The following NCALD variants were observed in gnomAD, a reference collection of about 807,000 sequenced individuals.
The protein encoded by NCALD is neurocalcin delta, also known as neurocalcin-delta.
In NCALD, 10 loss-of-function variants were observed where a neutral mutation model predicts 18.6. The ratio of observed to expected loss-of-function variants is 0.54; its 90% CI spans 0.33 to 0.91. The LOEUF is 0.91. Ranked by LOEUF, NCALD falls within the 40% of genes least tolerant of loss-of-function variation. NCALD has a pLI of 0.03. For missense variants in NCALD, 184 were observed against 247.6 expected, an observed-to-expected ratio of 0.74 and a Z score of 1.72; for synonymous variants, 88 against 87.4, an observed-to-expected ratio of 1.01 and a Z score of -0.04.
chr8:102,097,934 CA>C (rs1335835132), intron 1 of NCALD, among the ~76,000 whole-genome samples: 1 of 152,234 alleles, frequency 6.6e-6, no homozygotes, highest in Non-Finnish European at 1.5e-5. Context: ...GGCCAGGCCA[CA>C]GAACACGCTG....
At chr8:101,943,046 G>A (rs1819016913) in intron 2 of NCALD, among the ~76,000 whole-genome samples, 1 of 152,168 alleles carries the variant, frequency 6.6e-6, no homozygotes, top group Non-Finnish European at 1.5e-5. Flanking sequence ...GCAAGATGAA[G>A]GCAAAGGGGA....
intron 4 of NCALD, among the ~76,000 whole-genome samples, chr8:101,812,208 G>A (rs536738003): frequency 1.3e-5 from 2 of 152,188 alleles, no homozygotes; most frequent in African/African-American, 4.8e-5. Context: ...AAGGGCACTG[G>A]GTAGAGACTC....
chr8:101,853,560 G>A (rs1815183768), intron 4 of NCALD, among the ~76,000 whole-genome samples: 1 of 152,092 alleles, frequency 6.6e-6, no homozygotes, highest in Admixed American at 6.6e-5. Context: ...CAAGACCTGG[G>A]CAATTTTGAA....
At chr8:102,067,951 C>T (rs958577609) in intron 1 of NCALD, among the ~76,000 whole-genome samples, 10 of 152,226 alleles carry the variant, frequency 6.6e-5, no homozygotes, top group African/African-American at 9.7e-5. Context: ...GCTCCCCCTT[C>T]GCTCTGTTCT....
At chr8:102,015,728 G>A (rs951235626) in intron 2 of NCALD, among the ~76,000 whole-genome samples, 7 of 152,166 alleles carry the variant, frequency 4.6e-5, no homozygotes, top group Non-Finnish European at 7.4e-5. Flanking sequence ...AAGGAGAAAG[G>A]GGTCACACAA....
chr8:101,732,811 C>A (rs938873168), intron 1 of NCALD, among the ~76,000 whole-genome samples: 8 of 151,964 alleles, frequency 5.3e-5, no homozygotes, highest in African/African-American at 1.9e-4. Flanking sequence ...GGCATGTTGA[C>A]CAGGTTGGTC....
chr8:102,056,819 G>A (rs1306180617), intron 1 of NCALD, among the ~76,000 whole-genome samples: 1 of 152,216 alleles, frequency 6.6e-6, no homozygotes, highest in Non-Finnish European at 1.5e-5. Context: ...TCATGGCTCA[G>A]GACTTCACTC....
At chr8:102,039,246 TA>T (rs1253682383) in intron 1 of NCALD, among the ~76,000 whole-genome samples, 3 of 152,142 alleles carry the variant, frequency 2.0e-5, no homozygotes, top group Non-Finnish European at 4.4e-5. Context: ...TCTGAGATAA[TA>T]AATGCATATT....
intron 1 of NCALD, among the ~76,000 whole-genome samples, chr8:102,122,325 G>A (rs1268614255): frequency 6.6e-6 from 1 of 152,222 alleles, no homozygotes; most frequent in Non-Finnish European, 1.5e-5. Context: ...TCCCTGGAGT[G>A]TGAATTCTAT....
chr8:101,947,426 T>C (rs1296640224), intron 2 of NCALD, among the ~76,000 whole-genome samples: 1 of 152,212 alleles, frequency 6.6e-6, no homozygotes, highest in Non-Finnish European at 1.5e-5. Flanking sequence ...AGAGTTTTCA[T>C]GTGAAATCAT....
At chr8:101,947,665 T>A (rs960281288) in intron 2 of NCALD, among the ~76,000 whole-genome samples, 1 of 152,216 alleles carries the variant, frequency 6.6e-6, no homozygotes, top group Non-Finnish European at 1.5e-5. Flanking sequence ...GAAATCAAGT[T>A]TATATTTTTT....
chr8:101,876,605 G>A (rs1222173856), intron 4 of NCALD, among the ~76,000 whole-genome samples: 1 of 152,130 alleles, frequency 6.6e-6, no homozygotes, highest in Admixed American at 6.5e-5. Context: ...GTACTTAAGG[G>A]AGTGTATCTA....
At chr8:101,907,634 T>A (rs1817654376) in intron 3 of NCALD, among the ~76,000 whole-genome samples, 1 of 152,094 alleles carries the variant, frequency 6.6e-6, no homozygotes, top group East Asian at 1.9e-4. Flanking sequence ...CTCATTTCAT[T>A]TAATTATGAC....
At chr8:101,775,120 T>C (rs1179223885) in intron 1 of NCALD, among the ~76,000 whole-genome samples, 1 of 152,208 alleles carries the variant, frequency 6.6e-6, no homozygotes, top group African/African-American at 2.4e-5. Context: ...TTGTCACCAA[T>C]GGCATAAATC....
chr8:101,864,690 GTTA>G (rs1815693523), intron 4 of NCALD, among the ~76,000 whole-genome samples: 1 of 151,684 alleles, frequency 6.6e-6, no homozygotes, highest in South Asian at 2.1e-4. Flanking sequence ...CGCCTCCTGG[GTTA>G]AAGCGATTCT....
At chr8:101,923,933 G>T (rs1172319440) in intron 2 of NCALD, among the ~76,000 whole-genome samples, 1 of 152,042 alleles carries the variant, frequency 6.6e-6, no homozygotes, top group South Asian at 2.1e-4. Context: ...ATTTCAACTT[G>T]TATTATAGAT....
Position 101,687,938 on chromosome 8 carries a change from G to C in NCALD, c.*1371C>G, listed in dbSNP as rs937982470. 1 of 151,350 alleles carries C rather than the reference G, an allele frequency of 6.6e-6. No individual in the cohort carries two copies. Among genetic ancestry groups the C allele is most frequent in the South Asian group, 2.1e-4 (1 of 4,822 alleles). The allele number at this position is 151,350 out of a possible 1,614,324, so 9.4% of individuals were successfully genotyped here. Reference sequence around the variant, plus strand: ...GAAAATACTTTTGGATTCTCCATAGGGGGGCCTTGGAAACCACAGACACAC... The same window carrying C: ...GAAAATACTTTTGGATTCTCCATAGCGGGGCCTTGGAAACCACAGACACAC... On this transcript the variant is annotated 3_prime_UTR_variant, in exon 4 of 4. Transcript: ENST00000220931.
intron 2 of NCALD, among the ~76,000 whole-genome samples, chr8:101,916,225 G>C (rs985699381): frequency 2.6e-5 from 4 of 152,050 alleles, no homozygotes; most frequent in Admixed American, 2.0e-4. Flanking sequence ...CTGCCTTCCA[G>C]ATGTATCAAA....
At chr8:102,101,836 A>T (rs889748910) in intron 1 of NCALD, among the ~76,000 whole-genome samples, 4 of 152,124 alleles carry the variant, frequency 2.6e-5, no homozygotes, top group African/African-American at 9.7e-5. Flanking sequence ...AACACCTCTC[A>T]CTCTTACAAA....
Sources: allele counts gnomAD v4.1 joint callset (sites outside exome capture counted in the v4.1 genomes callset), GRCh38; gene constraint gnomAD v4.1.1; transcripts MANE v1.5; gene names NCBI Gene and HGNC (gene_info 2026-07-23, HGNC 2026-07-21).